PRPS1: variants seen among roughly 807,000 people sequenced by gnomAD.
PRPS1 encodes the protein ribose-phosphate pyrophosphokinase 1.
PRPS1 carries 1 observed loss-of-function variant against 16.9 expected under a neutral mutation model. That is an observed-to-expected ratio of 0.06 (90% CI 0.02 to 0.28). The LOEUF is 0.28. PRPS1 is among the 10% of genes least tolerant of loss of function. The probability of loss-of-function intolerance (pLI) is 1.00; values close to 1 mark genes in which losing one functional copy is unlikely to be tolerated. For missense variants in PRPS1, 47 were observed against 254.0 expected (o/e 0.19, Z 5.54); for synonymous variants, 70 against 90.2 (o/e 0.78, Z 1.27).
At chrX:107,639,554 A>G (rs1029293242) in intron 2 of PRPS1, 76 bp downstream of exon 2, 2 of 1,012,980 alleles carry the variant, frequency 2.0e-6, no homozygotes, top group African/African-American at 3.8e-5. Context: ...TTCCAAAATT[A>G]TCAAATATAT....
chrX:107,645,157 G>A lies in PRPS1; in HGVS notation c.531-20G>A. 2 of 1,211,236 alleles carry A rather than the reference G, an allele frequency of 1.7e-6. No individual in the cohort carries two copies. The highest frequency in any genetic ancestry group is 3.5e-5 in the South Asian group (2 of 56,997). The stretch of plus-strand genomic sequence containing the variant: ...TGTCTTAGAAGCCACACATACATAT[G>A]AACACGCTCTGTTTTGCAGAGTGAC... On this transcript the variant is annotated intron_variant, in intron 4 of 6. Transcript: ENST00000372435.
At chrX:107,634,729 G>C (rs1204281427) in intron 1 of PRPS1, among the ~76,000 whole-genome samples, 1 of 111,239 alleles carries the variant, frequency 9.0e-6, no homozygotes, top group Non-Finnish European at 1.9e-5. Context: ...AATTTTGTGG[G>C]TATTTTTTAT....
intron 1 of PRPS1, among the ~76,000 whole-genome samples, chrX:107,634,959 C>T (rs1303951503): frequency 5.5e-5 from 6 of 109,266 alleles, no homozygotes; most frequent in Admixed American, 9.8e-5. Flanking sequence ...CCTGCCTCAG[C>T]CTCCCGAGTA....
chrX:107,636,131 T>C lies in PRPS1; in HGVS notation c.123-3164T>C, dbSNP rs140723505. On this transcript the variant is annotated intron_variant, in intron 1 of 6. Coordinates refer to ENST00000372435, the MANE Select transcript of PRPS1 (RefSeq NM_002764.4). ...TGACCACTGCCTGTTTGTTTTGTTT[T>C]GTTTGGTTTGAGACGGAGTCCCGCT... 7.2e-3 allele frequency among the ~76,000 whole-genome samples: 794 copies of C among 110,206 alleles called. 8 individuals are homozygous for C. Among genetic ancestry groups the C allele is most frequent in the African/African-American group, 0.024 (743 of 30,348 alleles).
At position 107,628,770 on chromosome X, in the gene PRPS1, C is replaced by T; in HGVS notation, c.122+20C>T. ...GACCTGGTAAGGACCAAGTTGGGAC[C>T]CTGACTAGACCTCACCTGCCCAGGC... On this transcript the variant is annotated intron_variant, in intron 1 of 6. Coordinates refer to ENST00000372435, the MANE Select transcript of PRPS1 (RefSeq NM_002764.4). The T allele has an allele frequency of 8.3e-7, 1 of 1,210,848 alleles. No individual in the cohort carries two copies. The highest frequency in any genetic ancestry group is 1.8e-5 in the South Asian group (1 of 56,915).
intron 2 of PRPS1, 134 bp downstream of exon 2, chrX:107,639,612 C>A: frequency 1.6e-6 from 1 of 637,086 alleles, no homozygotes; most frequent in East Asian, 3.6e-5. Context: ...ATTACCCTAT[C>A]TTCAAAACAA....
Position 107,647,626 on chromosome X carries a change from C to T in PRPS1, c.725C>T (p.Thr242Ile). 5 of 1,211,641 alleles carry T rather than the reference C, an allele frequency of 4.1e-6. No individual in the cohort carries two copies. Among genetic ancestry groups the T allele is most frequent in the Non-Finnish European group, 5.6e-6 (5 of 895,428 alleles). The change falls in exon 6 of 7, where the codon ACC (threonine) becomes ATC (isoleucine). Residue 242 changes from threonine to isoleucine, a missense_variant. Coordinates refer to ENST00000372435, the MANE Select transcript of PRPS1 (RefSeq NM_002764.4). ...AADKLLSAGATRVYAILTHGI... is the reference protein window; with the variant it reads ...AADKLLSAGAIRVYAILTHGI... ...TCTAGACTTCTCTCAGCTGGCGCCA[C>T]CAGAGTTTATGCCATCTTGACTCAT...
chrX:107,647,997 C>T (rs982678342), intron 6 of PRPS1, among the ~76,000 whole-genome samples: 9 of 110,980 alleles, frequency 8.1e-5, no homozygotes, highest in Non-Finnish European at 1.7e-4. Flanking sequence ...GTTTAAATTG[C>T]TACACCTCAG....
chrX:107,646,493 T>G (rs1040403938), intron 5 of PRPS1, among the ~76,000 whole-genome samples: 1 of 111,655 alleles, frequency 9.0e-6, no homozygotes, highest in African/African-American at 3.3e-5. Context: ...TAAAAAAAAA[T>G]TGGGGTGAAT....
At chrX:107,633,605 T>C (rs1378500145) in intron 1 of PRPS1, among the ~76,000 whole-genome samples, 4 of 111,178 alleles carry the variant, frequency 3.6e-5, no homozygotes, top group Non-Finnish European at 5.7e-5. Flanking sequence ...TCAAGCCTTA[T>C]GTGATGTTAG....
In PRPS1 at chrX:107,639,430, T is replaced by C. The variant is rs1425040342; in HGVS notation, c.258T>C (p.Thr86=). ...AGATTGCTTCAGCCAGCCGGGTTAC[T>C]GCAGTCATCCCATGCTTCCCTTATG... is the stretch of plus-strand genomic sequence containing the variant. The part of the protein sequence containing the change: ...ACKIASASRV[T]AVIPCFPYAR... The change falls in exon 2 of 7, where the codon ACT becomes ACC. Residue 86 remains threonine, a synonymous_variant. Transcript: ENST00000372435. The C allele has an allele frequency of 8.3e-7, 1 of 1,212,035 alleles. No individual in the cohort carries two copies. The highest frequency in any genetic ancestry group is 1.1e-6 in the Non-Finnish European group (1 of 895,588).
At chrX:107,635,643 G>A (rs1925417492) in intron 1 of PRPS1, among the ~76,000 whole-genome samples, 2 of 110,181 alleles carry the variant, frequency 1.8e-5, no homozygotes, top group Admixed American at 9.7e-5. Context: ...TACCCAGGCT[G>A]GTCTCAAACT....
chrX:107,645,599 C>T (rs1206798997), intron 5 of PRPS1, among the ~76,000 whole-genome samples: 1 of 110,917 alleles, frequency 9.0e-6, no homozygotes, highest in Non-Finnish European at 1.9e-5. Context: ...GCCATTTTAA[C>T]TATTTTAAGT....
At position 107,642,455 on chromosome X, in the gene PRPS1, C is replaced by T; in HGVS notation, c.495C>T (p.Cys165=). The change falls in exon 4 of 7, where the codon TGC becomes TGT. Residue 165 remains cysteine, a synonymous_variant. Transcript: ENST00000372435. The part of the protein sequence containing the change: ...IRENISEWRN[C]TIVSPDAGGA... ...AGAATATCTCTGAGTGGAGGAACTG[C>T]ACTATTGTCTCACCTGATGCTGGTG... 1 of 1,211,468 alleles carries T rather than the reference C, an allele frequency of 8.3e-7. No individual in the cohort carries two copies. Among genetic ancestry groups the T allele is most frequent in the Middle Eastern group, 2.3e-4 (1 of 4,352 alleles).
chrX:107,632,867 G>T (rs1925338166), intron 1 of PRPS1, among the ~76,000 whole-genome samples: 1 of 111,992 alleles, frequency 8.9e-6, no homozygotes, highest in African/African-American at 3.2e-5. Flanking sequence ...AAGTCTGTAT[G>T]TTATAGTACT....
At position 107,650,400 on chromosome X, in the gene PRPS1, C is replaced by T. The variant is rs1925803087; in HGVS notation, c.*368C>T. 1 of 405,803 alleles carries T rather than the reference C, an allele frequency of 2.5e-6. No homozygotes were observed. The highest frequency in any genetic ancestry group is 4.2e-6 in the Non-Finnish European group (1 of 235,524). 33.4% of individuals were successfully genotyped at this position (405,803 alleles called of 1,213,427 possible). ...TCAGGGTTTTCTTTGTTGAGAACAA[C>T]TAGCAACAAAGGCAACCCATGTGTG... On this transcript the variant is annotated 3_prime_UTR_variant, in exon 7 of 7. Coordinates refer to ENST00000372435, the MANE Select transcript of PRPS1 (RefSeq NM_002764.4).
intron 3 of PRPS1, 85 bp from the exon 4 acceptor site, chrX:107,642,281 C>T: frequency 8.7e-7 from 1 of 1,155,737 alleles, no homozygotes; most frequent in Non-Finnish European, 1.2e-6. Flanking sequence ...AAGACATTCT[C>T]TGAGCAAGTT....
intron 1 of PRPS1, chrX:107,630,177 A>G (rs1189829450): frequency 8.9e-6 from 1 of 112,407 alleles, no homozygotes; most frequent in Non-Finnish European, 1.9e-5. Flanking sequence ...ATTTTTCCAA[A>G]CCATTATGGC....
chrX:107,635,395 C>T (rs73522890), intron 1 of PRPS1, among the ~76,000 whole-genome samples: 6,039 of 110,345 alleles, frequency 0.055, 383 homozygotes, highest in African/African-American at 0.19. Context: ...ATATTTTGGT[C>T]AAGGAGCTGA....
Sources: allele counts gnomAD v4.1 joint callset (sites outside exome capture counted in the v4.1 genomes callset), GRCh38; gene constraint gnomAD v4.1.1; transcripts MANE v1.5; gene names NCBI Gene and HGNC (gene_info 2026-07-23, HGNC 2026-07-21).